The following B4GALT4 variants were observed in gnomAD, a reference collection of about 807,000 sequenced individuals.
B4GALT4 encodes N-acetyllactosamine synthase.
In B4GALT4, 27 loss-of-function variants were observed where a neutral mutation model predicts 37.3. The ratio of observed to expected loss-of-function variants is 0.72; its 90% CI spans 0.53 to 1.00. B4GALT4 has a LOEUF of 1.00. B4GALT4 is among the 50% of genes least tolerant of loss of function. B4GALT4 has a pLI of 0.00. For missense variants in B4GALT4, 372 were observed against 413.1 expected (o/e 0.90, Z 0.86); for synonymous variants, 148 against 154.1 (o/e 0.96, Z 0.29).
chr3:119,234,877 A>C (rs770697957), intron 2 of B4GALT4, among the ~76,000 whole-genome samples: 4 of 152,222 alleles, frequency 2.6e-5, no homozygotes, highest in South Asian at 2.1e-4. Flanking sequence ...CCCCGTAGTT[A>C]GTTAAAAATG....
chr3:119,226,773 G>A, intron 4 of B4GALT4, 36 bp downstream of exon 4: 1 of 1,563,438 alleles, frequency 6.4e-7, no homozygotes, highest in African/African-American at 1.4e-5. Flanking sequence ...AGAAGAGGAG[G>A]GTCGAGGGCA....
rs934741159 is a variant in B4GALT4 at position 119,226,878 on chromosome 3, G to A, written c.417C>T (p.Tyr139=). 6.2e-7 allele frequency: 1 copy of A among 1,614,184 alleles called. No homozygotes were observed. Among genetic ancestry groups the A allele is most frequent in the Non-Finnish European group, 8.5e-7 (1 of 1,180,022 alleles). ...GGAAGGGATGCAGATGTTCCAGCAG[G>A]TACATCAGGTGTTTCTCTCTGTTCC... ...PHRNREKHLM[Y]LLEHLHPFLQ... Residue 139 remains tyrosine, a synonymous_variant, in exon 4 of 8, where the codon TAC becomes TAT. Transcript: ENST00000393765.
intron 3 of B4GALT4, among the ~76,000 whole-genome samples, chr3:119,227,641 C>A (rs1295835443): frequency 6.6e-6 from 1 of 152,194 alleles, no homozygotes; most frequent in Non-Finnish European, 1.5e-5. Flanking sequence ...CGTTTCCAAT[C>A]GAGCACAGTA....
At position 119,230,068 on chromosome 3, in the gene B4GALT4, T is replaced by C. The variant is rs1451306023; in HGVS notation, c.32A>G (p.Tyr11Cys). MGFNLTFHLS[Y>C]KFRLLLLLTL... ...CAACAGCAACAGTAATCGGAATTTG[T>C]AGGAAAGGTGGAAAGTCAGGTTGAA... The change falls in exon 3 of 8, where the codon TAC (tyrosine) becomes TGC (cysteine). Residue 11 changes from tyrosine (Y) to cysteine (C), a missense_variant. Tyr to Cys is a radical substitution (Grantham distance 194). Coordinates refer to ENST00000393765, the MANE Select transcript of B4GALT4 (RefSeq NM_003778.4). 2 of 1,614,168 alleles carry C rather than the reference T, an allele frequency of 1.2e-6. No individual in the cohort carries two copies. Among genetic ancestry groups the C allele is most frequent in the Admixed American group, 1.7e-5 (1 of 60,026 alleles).
At chr3:119,223,908 TTC>T (rs2078522440) in intron 5 of B4GALT4, 148 bp downstream of exon 5, 6 of 692,522 alleles carry the variant, frequency 8.7e-6, no homozygotes, top group Non-Finnish European at 1.1e-5. Flanking sequence ...ATTCTCTAAC[TTC>T]TGTTTTGCAC....
intron 2 of B4GALT4, among the ~76,000 whole-genome samples, chr3:119,231,165 T>C (rs115493113): frequency 6.6e-6 from 1 of 152,178 alleles, no homozygotes; most frequent in Non-Finnish European, 1.5e-5. Flanking sequence ...GATTTCATAC[T>C]TCAGTAGCAT....
intron 1 of B4GALT4, among the ~76,000 whole-genome samples, chr3:119,238,291 A>G (rs552977813): frequency 6.6e-6 from 1 of 151,492 alleles, no homozygotes; most frequent in African/African-American, 2.4e-5. Flanking sequence ...AAAGTATATA[A>G]AATATAATAC....
At chr3:119,240,730 C>T (rs1213352159) in intron 1 of B4GALT4, 120 bp downstream of exon 1, 1 of 152,376 alleles carries the variant, frequency 6.6e-6, no homozygotes, top group Non-Finnish European at 1.5e-5. Flanking sequence ...GCCACGTCAT[C>T]CCCACGCCCG....
chr3:119,235,231 T>C (rs2078949655), intron 2 of B4GALT4: 1 of 152,210 alleles, frequency 6.6e-6, no homozygotes, highest in Non-Finnish European at 1.5e-5. Context: ...AGATAAGCTA[T>C]AACAAAAGGA....
At chr3:119,216,951 G>A (rs2078308656) in intron 6 of B4GALT4, among the ~76,000 whole-genome samples, 2 of 152,228 alleles carry the variant, frequency 1.3e-5, no homozygotes, top group Admixed American at 1.3e-4. Flanking sequence ...ACTCTGCAAT[G>A]TATTATATGT....
chr3:119,216,396 A>T, intron 6 of B4GALT4, 52 bp from the exon 7 acceptor site: 1 of 1,471,928 alleles, frequency 6.8e-7, no homozygotes, highest in Non-Finnish European at 9.4e-7. Context: ...ATCTACCACT[A>T]GGCAAATAAA....
chr3:119,239,021 CTGAAG>C (rs2079068524), intron 1 of B4GALT4, among the ~76,000 whole-genome samples: 1 of 152,108 alleles, frequency 6.6e-6, no homozygotes, highest in African/African-American at 2.4e-5. Flanking sequence ...TTTCAAAGGC[CTGAAG>C]TGGAGTCAAG....
In B4GALT4 at chr3:119,212,076, C is replaced by T. The variant is rs1006575224; in HGVS notation, c.*473G>A. On this transcript the variant is annotated 3_prime_UTR_variant, in exon 8 of 8. Transcript: ENST00000393765. ...CTTTTGTGGACGCCTTCTCACCTGA[C>T]ACCACCACTTCACAGATGATTGTAC... The T allele has an allele frequency of 4.3e-6, 3 of 694,406 alleles. No individual in the cohort carries two copies. Among genetic ancestry groups the T allele is most frequent in the African/African-American group, 3.5e-5 (2 of 56,998 alleles). 43.0% of individuals were successfully genotyped at this position (694,406 alleles called of 1,614,324 possible). A position where few individuals can be genotyped will look rare whatever the true frequency, so the allele number is the denominator to read the frequency against.
At chr3:119,238,045 T>C (rs1183814588) in intron 1 of B4GALT4, among the ~76,000 whole-genome samples, 1 of 151,978 alleles carries the variant, frequency 6.6e-6, no homozygotes, top group African/African-American at 2.4e-5. Flanking sequence ...GGCGGGAGGA[T>C]CACTTGAGGC....
chr3:119,230,388 G>A (rs957313002), intron 2 of B4GALT4, 144 bp from the exon 3 acceptor site: 3 of 375,472 alleles, frequency 8.0e-6, no homozygotes, highest in Non-Finnish European at 4.8e-6. Context: ...TTAGAGATTC[G>A]AAAACCAGAG....
At chr3:119,221,191 T>C (rs2078439673) in intron 5 of B4GALT4, among the ~76,000 whole-genome samples, 1 of 152,126 alleles carries the variant, frequency 6.6e-6, no homozygotes, top group African/African-American at 2.4e-5. Context: ...AGAATCCTTG[T>C]AGGAAGGAGG....
At chr3:119,217,264 A>C (rs2078317138) in intron 6 of B4GALT4, among the ~76,000 whole-genome samples, 1 of 152,016 alleles carries the variant, frequency 6.6e-6, no homozygotes, top group African/African-American at 2.4e-5. Flanking sequence ...AGCCTTTGCT[A>C]CTCTTGTCCT....
intron 3 of B4GALT4, among the ~76,000 whole-genome samples, chr3:119,228,469 A>G (rs531361690): frequency 6.6e-6 from 1 of 152,256 alleles, no homozygotes; most frequent in East Asian, 1.9e-4. Flanking sequence ...TCTATTCTTT[A>G]TGAATGAATT....
chr3:119,227,749 C>G (rs942099641), intron 3 of B4GALT4, among the ~76,000 whole-genome samples: 32 of 152,162 alleles, frequency 2.1e-4, no homozygotes, highest in Non-Finnish European at 4.4e-5. Flanking sequence ...TTTCTAAATT[C>G]CACGTATACT....
Sources: gnomAD v4.1 joint callset for allele counts (sites outside exome capture counted in the v4.1 genomes callset) on GRCh38, gnomAD v4.1.1 for gene constraint, MANE v1.5 for transcripts, NCBI Gene and HGNC (gene_info 2026-07-23, HGNC 2026-07-21) for gene names.